The following RELN variants were observed in gnomAD, a reference collection of about 807,000 sequenced individuals.
RELN encodes reelin.
A neutral mutation model predicts 427.6 loss-of-function variants in RELN; 108 were observed. That is an observed-to-expected ratio of 0.25 (90% CI 0.22 to 0.30). The LOEUF is 0.30. RELN is among the 10% of genes least tolerant of loss of function. The probability of loss-of-function intolerance (pLI) is 1.00; values close to 1 mark genes in which losing one functional copy is unlikely to be tolerated. For missense variants in RELN, 3,715 were observed against 4,302.8 expected (o/e 0.86, Z 3.82); for synonymous variants, 1,524 against 1,513.4 (o/e 1.01, Z -0.16).
At chr7:103,899,166 C>T (rs60944865) in intron 2 of RELN, among the ~76,000 whole-genome samples, 52,949 of 151,832 alleles carry the variant, frequency 0.35, 9,673 homozygotes, top group East Asian at 0.67. Flanking sequence ...ATAAACACCT[C>T]TACTTAAATA....
chr7:103,921,578 T>C (rs1167605867), intron 1 of RELN, among the ~76,000 whole-genome samples: 1 of 152,188 alleles, frequency 6.6e-6, no homozygotes, highest in Non-Finnish European at 1.5e-5. Context: ...ATAAAGCATG[T>C]ATATTATTAT....
intron 7 of RELN, among the ~76,000 whole-genome samples, chr7:103,723,587 C>T (rs112436121): frequency 7.2e-5 from 11 of 151,928 alleles, no homozygotes; most frequent in African/African-American, 2.2e-4. Context: ...AAAAGGGCTA[C>T]CGAACAAAAA....
At chr7:103,521,881 G>C in intron 48 of RELN, 141 bp downstream of exon 48, 1 of 769,554 alleles carries the variant, frequency 1.3e-6, no homozygotes, top group East Asian at 2.6e-5. Flanking sequence ...TTTGTATAAA[G>C]TTGCAAGTTC....
intron 2 of RELN, among the ~76,000 whole-genome samples, chr7:103,899,540 T>C (rs187853894): frequency 5.3e-5 from 8 of 152,228 alleles, no homozygotes; most frequent in African/African-American, 1.9e-4. Context: ...GCGAAAATCC[T>C]CTATAAAATA....
intron 10 of RELN, among the ~76,000 whole-genome samples, chr7:103,692,778 AT>A (rs1035371571): frequency 6.5e-4 from 97 of 149,704 alleles, no homozygotes; most frequent in African/African-American, 1.8e-3. Flanking sequence ...AAAGAGTGGC[AT>A]TTTTTTTTTC....
At chr7:103,868,928 C>CT (rs1374700772) in intron 2 of RELN, among the ~76,000 whole-genome samples, 1 of 151,902 alleles carries the variant, frequency 6.6e-6, no homozygotes, top group African/African-American at 2.4e-5. Context: ...AATCTATTTG[C>CT]TTTTTTTCTA....
intron 8 of RELN, among the ~76,000 whole-genome samples, chr7:103,713,609 G>A (rs1346282911): frequency 6.6e-6 from 1 of 151,796 alleles, no homozygotes; most frequent in Non-Finnish European, 1.5e-5. Context: ...TGTGAAAAAT[G>A]TGATGAGCAA....
At position 103,515,356 on chromosome 7, in the gene RELN, G is replaced by A; in HGVS notation, c.7948C>T (p.Gln2650Ter). ...WWQPRHDGLD[Q>*]NDWAIDNVLI... is the part of the protein sequence containing the mutation. Reference sequence around the variant, plus strand: ...ACATTGTCAATGGCCCAGTCGTTCTGATCCAGGCCGTCATGTCTTGGCTGC... The same window carrying A: ...ACATTGTCAATGGCCCAGTCGTTCTAATCCAGGCCGTCATGTCTTGGCTGC... The change falls in exon 50 of 65, where the codon CAG becomes TAG. Residue 2650 changes from glutamine (Q) to a stop codon, truncating the protein, a stop_gained. Coordinates refer to ENST00000428762, the MANE Select transcript of RELN (RefSeq NM_005045.4). LOFTEE classifies it high-confidence loss of function. 1 of 1,614,164 alleles carries A rather than the reference G, an allele frequency of 6.2e-7. No homozygotes were observed. The highest frequency in any genetic ancestry group is 8.5e-7 in the Non-Finnish European group (1 of 1,180,026).
At chr7:103,916,130 T>C (rs1795476262) in intron 2 of RELN, among the ~76,000 whole-genome samples, 2 of 152,170 alleles carry the variant, frequency 1.3e-5, no homozygotes, top group Non-Finnish European at 2.9e-5. Flanking sequence ...GGGCAAGCAG[T>C]GACAATGCAG....
At chr7:103,820,796 G>A (rs1792994700) in intron 3 of RELN, among the ~76,000 whole-genome samples, 1 of 151,882 alleles carries the variant, frequency 6.6e-6, no homozygotes, top group South Asian at 2.1e-4. Context: ...AACTGGGGTT[G>A]ACAAGAAAAC....
At chr7:103,900,314 A>G (rs1466252555) in intron 2 of RELN, among the ~76,000 whole-genome samples, 3 of 152,174 alleles carry the variant, frequency 2.0e-5, no homozygotes, top group African/African-American at 4.8e-5. Context: ...AACAAATGGA[A>G]TAACACCCCA....
At chr7:103,780,494 AC>A (rs1791861498) in intron 3 of RELN, among the ~76,000 whole-genome samples, 2 of 152,090 alleles carry the variant, frequency 1.3e-5, no homozygotes, top group Non-Finnish European at 2.9e-5. Context: ...TTACTTCATC[AC>A]CCAGGTACTA....
chr7:103,755,946 C>A (rs902687741), intron 4 of RELN, among the ~76,000 whole-genome samples: 1 of 151,698 alleles, frequency 6.6e-6, no homozygotes, highest in African/African-American at 2.4e-5. Context: ...CAGTATGGAA[C>A]TTTTCAAATT....
intron 1 of RELN, among the ~76,000 whole-genome samples, chr7:103,924,985 TACACATACACAC>T (rs1402924892): frequency 0.037 from 5,043 of 137,564 alleles, 164 homozygotes; most frequent in Non-Finnish European, 0.045. Context: ...TGCATGCGCA[TACACATACACAC>T]ACACACACAC....
intron 10 of RELN, among the ~76,000 whole-genome samples, chr7:103,682,470 G>A (rs777928981): frequency 3.1e-4 from 47 of 152,040 alleles, no homozygotes; most frequent in Non-Finnish European, 6.8e-4. Context: ...CACAAAAAAG[G>A]AGTCAAGGGG....
chr7:103,842,368 ATC>A (rs1213387133), intron 2 of RELN, among the ~76,000 whole-genome samples: 1 of 152,168 alleles, frequency 6.6e-6, no homozygotes, highest in African/African-American at 2.4e-5. Context: ...TCCCTCTTTA[ATC>A]TGTTAATTCA....
intron 2 of RELN, among the ~76,000 whole-genome samples, chr7:103,885,400 T>C (rs1481765226): frequency 1.9e-4 from 29 of 151,714 alleles, no homozygotes; most frequent in Admixed American, 1.9e-3. Context: ...TGGAATACTA[T>C]GCAGCCATAA....
chr7:103,917,116 T>C lies in RELN; in HGVS notation c.296A>G (p.Gln99Arg), dbSNP rs1388069482. 6.2e-7 allele frequency: 1 copy of C among 1,613,598 alleles called. No homozygotes were observed. The highest frequency in any genetic ancestry group is 1.7e-5 in the Admixed American group (1 of 59,934). ...VTGLYTSTSV[Q>R]ASQSIGGSSA... Reference sequence around the variant, plus strand: ...GGAACCTCCAATGCTCTGTGATGCCTGAACACTTGTAGATGTGTATAGTCC... The same window carrying C: ...GGAACCTCCAATGCTCTGTGATGCCCGAACACTTGTAGATGTGTATAGTCC... The change falls in exon 2 of 65, where the codon CAG (glutamine) becomes CGG (arginine). Residue 99 changes from glutamine to arginine, a missense_variant. Coordinates refer to ENST00000428762, the MANE Select transcript of RELN (RefSeq NM_005045.4).
intron 11 of RELN, among the ~76,000 whole-genome samples, chr7:103,671,192 C>T (rs1276732889): frequency 2.0e-5 from 3 of 152,114 alleles, no homozygotes; most frequent in Non-Finnish European, 4.4e-5. Flanking sequence ...TTGAATGAAG[C>T]CTTCTCCACC....
Sources: gnomAD v4.1 joint callset for allele counts (sites outside exome capture counted in the v4.1 genomes callset) on GRCh38, gnomAD v4.1.1 for gene constraint, MANE v1.5 for transcripts, NCBI Gene and HGNC (gene_info 2026-07-23, HGNC 2026-07-21) for gene names.